The following SPOCK1 variants were observed in gnomAD, a reference collection of about 807,000 sequenced individuals.
SPOCK1 encodes the protein testican-1.
Under a neutral mutation model 55.3 loss-of-function variants are expected in SPOCK1, and 23 were observed. The ratio of observed to expected loss-of-function variants is 0.42; its 90% CI spans 0.30 to 0.59. The LOEUF is 0.59. Among genes scored for constraint, SPOCK1 ranks in the 20% least tolerant of loss-of-function variants. The probability of loss-of-function intolerance (pLI) is 0.22; values close to 1 mark genes in which losing one functional copy is unlikely to be tolerated. For synonymous variants in SPOCK1, 226 were observed against 221.0 expected (o/e 1.02, Z -0.20); for missense variants, 499 against 552.5 (o/e 0.90, Z 0.97).
chr5:137,269,658 T>C (rs1418970570), intron 2 of SPOCK1, among the ~76,000 whole-genome samples: 1 of 152,186 alleles, frequency 6.6e-6, no homozygotes, highest in Non-Finnish European at 1.5e-5. Context: ...ATTAAGTCAC[T>C]CTGTGTCTGG....
intron 2 of SPOCK1, among the ~76,000 whole-genome samples, chr5:137,354,299 A>C (rs1426474974): frequency 1.3e-5 from 2 of 152,116 alleles, no homozygotes; most frequent in African/African-American, 2.4e-5. Context: ...AGAATAGTGG[A>C]TGTGGATTTC....
chr5:137,317,023 C>T (rs1475324891), intron 2 of SPOCK1, among the ~76,000 whole-genome samples: 1 of 152,142 alleles, frequency 6.6e-6, no homozygotes, highest in African/African-American at 2.4e-5. Context: ...TCTGAATGGC[C>T]ACTCAGCTAG....
At chr5:137,110,529 A>G (rs570761542) in intron 5 of SPOCK1, among the ~76,000 whole-genome samples, 1 of 152,330 alleles carries the variant, frequency 6.6e-6, no homozygotes, top group South Asian at 2.1e-4. Context: ...CTTTAAATCC[A>G]CCACTCCAGA....
chr5:137,245,577 C>CACA (rs1358452066), intron 3 of SPOCK1, among the ~76,000 whole-genome samples: 1 of 151,992 alleles, frequency 6.6e-6, no homozygotes, highest in Non-Finnish European at 1.5e-5. Context: ...GTCAGAAAAG[C>CACA]ACAAGGTCCA....
intron 3 of SPOCK1, among the ~76,000 whole-genome samples, chr5:137,172,935 A>C (rs560877187): frequency 6.6e-6 from 1 of 152,350 alleles, no homozygotes; most frequent in East Asian, 1.9e-4. Flanking sequence ...CCAGCTAAGC[A>C]CATGGTTGAC....
At chr5:137,393,155 G>C (rs1019202019) in intron 2 of SPOCK1, among the ~76,000 whole-genome samples, 1 of 152,212 alleles carries the variant, frequency 6.6e-6, no homozygotes, top group Admixed American at 6.5e-5. Flanking sequence ...GTATATTACA[G>C]TAGATCAATT....
In SPOCK1 at chr5:137,420,159, G is replaced by C. The variant is rs1361621143; in HGVS notation, c.186+78214C>G. On this transcript the variant is annotated intron_variant, in intron 2 of 10. Transcript: ENST00000394945. ...CAGGGATGAAGCCCACTTGATCATG[G>C]TGGATAAGCTTTTTGATGTGCTGCT... is the stretch of plus-strand genomic sequence containing the variant. Among the ~76,000 whole-genome samples, 10 of 152,318 alleles carry C rather than the reference G, an allele frequency of 6.6e-5. No homozygotes were observed. In the South Asian group the frequency reaches 1.5e-3, roughly 22 times the overall value.
intron 2 of SPOCK1, among the ~76,000 whole-genome samples, chr5:137,424,014 G>A (rs1354191122): frequency 2.6e-5 from 4 of 152,072 alleles, no homozygotes; most frequent in Admixed American, 6.5e-5. Flanking sequence ...ACAGATACCT[G>A]GTTGTTCCAG....
chr5:137,164,085 C>A (rs1561633031), intron 3 of SPOCK1, among the ~76,000 whole-genome samples: 1 of 152,148 alleles, frequency 6.6e-6, no homozygotes, highest in Non-Finnish European at 1.5e-5. Context: ...CACTACCAGG[C>A]AAGACTGATT....
chr5:137,073,941 G>A (rs549027601), intron 5 of SPOCK1, among the ~76,000 whole-genome samples: 3 of 152,246 alleles, frequency 2.0e-5, no homozygotes, highest in African/African-American at 7.2e-5. Flanking sequence ...AGGGACCAAG[G>A]GTCCAAGCTA....
At chr5:137,082,449 A>G (rs905005739) in intron 5 of SPOCK1, among the ~76,000 whole-genome samples, 8 of 152,214 alleles carry the variant, frequency 5.3e-5, no homozygotes, top group African/African-American at 1.7e-4. Context: ...TCCACAGAGA[A>G]GCAGGTGGCA....
chr5:137,203,456 G>C (rs558050212), intron 3 of SPOCK1, among the ~76,000 whole-genome samples: 1 of 152,080 alleles, frequency 6.6e-6, no homozygotes, highest in Non-Finnish European at 1.5e-5. Flanking sequence ...TGAAAAAGGC[G>C]ATGAATGGCT....
chr5:137,319,292 T>C (rs1757937533), intron 2 of SPOCK1, among the ~76,000 whole-genome samples: 1 of 152,244 alleles, frequency 6.6e-6, no homozygotes, highest in Admixed American at 6.5e-5. Flanking sequence ...CAATGATGAA[T>C]ATTTCCTTTG....
At chr5:137,039,270 CTT>C (rs11479277) in intron 6 of SPOCK1, among the ~76,000 whole-genome samples, 434 of 88,758 alleles carry the variant, frequency 4.9e-3, no homozygotes, top group Middle Eastern at 8.1e-3. Context: ...GCCTGCCACA[CTT>C]TTTTTTTTTT....
At chr5:137,150,972 A>G (rs1754308427) in intron 3 of SPOCK1, among the ~76,000 whole-genome samples, 1 of 152,200 alleles carries the variant, frequency 6.6e-6, no homozygotes, top group East Asian at 1.9e-4. Context: ...AGGTAGGCCT[A>G]CACCATATGC....
At chr5:137,309,020 T>A (rs922247792) in intron 2 of SPOCK1, among the ~76,000 whole-genome samples, 5 of 151,646 alleles carry the variant, frequency 3.3e-5, no homozygotes, top group African/African-American at 1.2e-4. Flanking sequence ...GATGCTGGAT[T>A]TTTTCCCCCT....
At chr5:137,339,443 C>A (rs1324839881) in intron 2 of SPOCK1, among the ~76,000 whole-genome samples, 1 of 152,232 alleles carries the variant, frequency 6.6e-6, no homozygotes, top group African/African-American at 2.4e-5. Context: ...ACTGGCCCTG[C>A]TGCAGCCAGC....
intron 5 of SPOCK1, among the ~76,000 whole-genome samples, chr5:137,071,635 C>T (rs967192438): frequency 5.7e-4 from 87 of 152,194 alleles, no homozygotes; most frequent in Middle Eastern, 3.4e-3. Flanking sequence ...GAGGTGACAA[C>T]GAAGCTAGAA....
chr5:137,042,097 A>G (rs1413247588), intron 6 of SPOCK1, among the ~76,000 whole-genome samples: 4 of 152,086 alleles, frequency 2.6e-5, no homozygotes, highest in Non-Finnish European at 5.9e-5. Context: ...AAACATCCAT[A>G]CAATGGACTA....
Sources: gnomAD v4.1 joint callset for allele counts (sites outside exome capture counted in the v4.1 genomes callset) on GRCh38, gnomAD v4.1.1 for gene constraint, MANE v1.5 for transcripts, NCBI Gene and HGNC (gene_info 2026-07-23, HGNC 2026-07-21) for gene names.